Variants in CSPP1 observed in about 807,000 individuals in gnomAD.
The protein encoded by CSPP1 is centrosome and spindle pole-associated protein 1.
CSPP1 carries 126 observed loss-of-function variants against 164.4 expected under a neutral mutation model. That is an observed-to-expected ratio of 0.77 (90% CI 0.66 to 0.89). The LOEUF is 0.89. Ranked by LOEUF, CSPP1 falls within the 40% of genes least tolerant of loss-of-function variation. The pLI is 0.00. For synonymous variants in CSPP1, 472 were observed against 476.7 expected, an observed-to-expected ratio of 0.99 and a Z score of 0.13; for missense variants, 1,395 against 1,449.8, an observed-to-expected ratio of 0.96 and a Z score of 0.61.
intron 13 of CSPP1, among the ~76,000 whole-genome samples, 173 bp downstream of exon 13, chr8:67,116,295 G>A (rs997333367): frequency 6.6e-6 from 1 of 152,098 alleles, no homozygotes; most frequent in African/African-American, 2.4e-5. Context: ...TATAAAAAAA[G>A]GGAAATTCTT....
Position 67,159,919 on chromosome 8 carries a change from T to TCTTC in CSPP1, c.2538+785_2538+786insCCTT, listed in dbSNP as rs1827697390. On this transcript the variant is annotated intron_variant, in intron 21 of 30. Coordinates refer to ENST00000678616, the MANE Select transcript of CSPP1 (RefSeq NM_001382391.1). ...TTCTTTCTTTCTTTCTTTCTTTCTT[T>TCTTC]CTTTCCTTTCCTTCCTTCCTTCCTT... 1.9e-4 allele frequency among the ~76,000 whole-genome samples: 11 copies of TCTTC among 59,362 alleles called. 1 individual carries two copies. Among genetic ancestry groups the TCTTC allele is most frequent in the East Asian group, 4.7e-4 (1 of 2,142 alleles). 38.9% of individuals were successfully genotyped at this position (59,362 alleles called of 152,430 possible). A position where few individuals can be genotyped will look rare whatever the true frequency, so the allele number is the denominator to read the frequency against.
intron 3 of CSPP1, among the ~76,000 whole-genome samples, chr8:67,078,404 T>A (rs1808402913): frequency 6.6e-6 from 1 of 152,030 alleles, no homozygotes; most frequent in South Asian, 2.1e-4. Flanking sequence ...TGCAGTGGCA[T>A]AATCTTGGCT....
chr8:67,069,340 T>C (rs1345681853), intron 1 of CSPP1: 3 of 152,216 alleles, frequency 2.0e-5, no homozygotes, highest in South Asian at 2.1e-4. Context: ...ATAAATCTTA[T>C]GTTTTAGTTA....
intron 3 of CSPP1, among the ~76,000 whole-genome samples, chr8:67,085,158 T>A (rs1810117346): frequency 6.6e-6 from 1 of 152,182 alleles, no homozygotes; most frequent in Non-Finnish European, 1.5e-5. Flanking sequence ...GAAAAAATTC[T>A]GGAAATGGAT....
intron 24 of CSPP1, among the ~76,000 whole-genome samples, chr8:67,170,287 A>AC (rs1472529057): frequency 6.9e-6 from 1 of 145,784 alleles, no homozygotes; most frequent in East Asian, 2.0e-4. Context: ...TCTACTAAAA[A>AC]TACAAAAAAA....
At chr8:67,161,549 TTTG>T (rs1156793685) in intron 21 of CSPP1, among the ~76,000 whole-genome samples, 18 of 152,192 alleles carry the variant, frequency 1.2e-4, no homozygotes, top group Admixed American at 4.6e-4. Context: ...TTTACTTGTG[TTTG>T]TTGATTTTTT....
chr8:67,154,028 T>A lies in CSPP1; in HGVS notation c.2133T>A (p.His711Gln). The stretch of plus-strand genomic sequence containing the variant: ...TTGCAAAATATTTCTTTCAAGGTCA[T>A]ATGCAAACACAGAGCTCTCCTTTTG... ...LEDAANKSSG[H>Q]MQTQSSPFAR... Residue 711 changes from histidine (H) to glutamine (Q), a missense_variant, in exon 19 of 31, where the codon CAT (histidine) becomes CAA (glutamine). Coordinates refer to ENST00000678616, the MANE Select transcript of CSPP1 (RefSeq NM_001382391.1). 6.4e-7 allele frequency: 1 copy of A among 1,559,216 alleles called. No homozygotes were observed. Among genetic ancestry groups the A allele is most frequent in the Non-Finnish European group, 8.8e-7 (1 of 1,132,042 alleles).
intron 5 of CSPP1, among the ~76,000 whole-genome samples, chr8:67,093,081 C>G (rs1811960515): frequency 6.6e-6 from 1 of 152,064 alleles, no homozygotes; most frequent in African/African-American, 2.4e-5. Context: ...ATCATATTTA[C>G]TAGTGGGAGA....
chr8:67,191,146 C>G (rs1836125003), intron 29 of CSPP1, among the ~76,000 whole-genome samples: 1 of 152,176 alleles, frequency 6.6e-6, no homozygotes, highest in African/African-American at 2.4e-5. Context: ...TTGCCAAGGT[C>G]ACATGGGCAA....
chr8:67,176,614 C>T (rs1831709044), intron 26 of CSPP1, among the ~76,000 whole-genome samples: 1 of 152,120 alleles, frequency 6.6e-6, no homozygotes, highest in Non-Finnish European at 1.5e-5. Context: ...TCTTTAGTCT[C>T]AAAATGAAGA....
intron 15 of CSPP1, among the ~76,000 whole-genome samples, chr8:67,126,904 A>G (rs1416560337): frequency 1.3e-5 from 2 of 152,076 alleles, no homozygotes; most frequent in Non-Finnish European, 2.9e-5. Flanking sequence ...GGTAAAATAT[A>G]GGCTCTGTGA....
intron 7 of CSPP1, among the ~76,000 whole-genome samples, chr8:67,099,713 G>A (rs1813622911): frequency 6.6e-6 from 1 of 152,052 alleles, no homozygotes; most frequent in African/African-American, 2.4e-5. Context: ...CATAAAAGCT[G>A]TTTTAAGTGA....
chr8:67,096,780 G>C (rs532485707), intron 7 of CSPP1, among the ~76,000 whole-genome samples: 2 of 148,402 alleles, frequency 1.3e-5, no homozygotes, highest in South Asian at 4.3e-4. Context: ...CAGGAGAATC[G>C]CTTGAACCTG....
In CSPP1 at chr8:67,142,572, A is replaced by G. The variant is rs372455847; in HGVS notation, c.1975+4969A>G. 2.0e-5 allele frequency among the ~76,000 whole-genome samples: 3 copies of G among 152,302 alleles called. No homozygotes were observed. The East Asian group carries it at 5.8e-4, about 29-fold the overall frequency. ...GTTGTTTATCCATTTACCAGTTGAT[A>G]GATATTTGGGCTGTTTACAGTTCAA... On this transcript the variant is annotated intron_variant, in intron 17 of 30. Coordinates refer to ENST00000678616, the MANE Select transcript of CSPP1 (RefSeq NM_001382391.1).
chr8:67,103,272 A>C, intron 8 of CSPP1, 137 bp downstream of exon 8: 1 of 582,422 alleles, frequency 1.7e-6, no homozygotes, highest in Admixed American at 3.1e-5. Context: ...GAATTAAAGG[A>C]AAAGAAAGGT....
rs920045001 is a variant in CSPP1 at position 67,192,590 on chromosome 8, TAAGAA to T, written c.3331-872_3331-868del. Among the ~76,000 whole-genome samples the T allele has an allele frequency of 1.3e-4, 20 of 152,164 alleles. 2 individuals are homozygous for T. The highest frequency in any genetic ancestry group is 1.2e-3 in the Admixed American group (19 of 15,278). On this transcript the variant is annotated intron_variant, in intron 29 of 30. Coordinates refer to ENST00000678616, the MANE Select transcript of CSPP1 (RefSeq NM_001382391.1). ...TTTCTTGGGCTTTTGGTGTCTTAAT[TAAGAA>T]ACCATTGCCAACCACAAGATCATGA...
rs1170656333 is a variant in CSPP1, at chr8:67,095,287, G to T, written c.484-6G>T. On this transcript the variant is annotated splice_region_variant and splice_polypyrimidine_tract_variant and intron_variant, in intron 6 of 30. Transcript: ENST00000678616. ...TTTGTTTCTTTTTTCTTTTTTAATT[G>T]AACAGCCCAAGAGTCAGAGAAATAA... 6.6e-7 allele frequency: 1 copy of T among 1,516,352 alleles called. No individual in the cohort carries two copies. Among genetic ancestry groups the T allele is most frequent in the Admixed American group, 2.4e-5 (1 of 42,030 alleles). The allele number at this position is 1,516,352 out of a possible 1,614,324, so 93.9% of individuals were successfully genotyped here.
chr8:67,079,289 T>C (rs1007846243), intron 3 of CSPP1, among the ~76,000 whole-genome samples: 6 of 152,218 alleles, frequency 3.9e-5, no homozygotes, highest in Non-Finnish European at 5.9e-5. Context: ...TATGGTCATG[T>C]ATGGCATGGG....
intron 3 of CSPP1, 119 bp downstream of exon 3, chr8:67,076,700 A>G: frequency 1.8e-6 from 1 of 545,410 alleles, no homozygotes; most frequent in East Asian, 3.3e-5. Flanking sequence ...TCTTTCTGGA[A>G]TCTTACGTAA....
Sources: gnomAD v4.1 joint callset for allele counts (sites outside exome capture counted in the v4.1 genomes callset) on GRCh38, gnomAD v4.1.1 for gene constraint, MANE v1.5 for transcripts, NCBI Gene and HGNC (gene_info 2026-07-23, HGNC 2026-07-21) for gene names.